Variants in CYTH3 observed in about 807,000 individuals in gnomAD.
CYTH3 encodes the protein cytohesin 3, also known as cytohesin-3.
In CYTH3, 23 loss-of-function variants were observed where a neutral mutation model predicts 55.1. The observed-to-expected ratio is 0.42, with a 90% CI of 0.30 to 0.59. The LOEUF (loss-of-function observed/expected upper bound fraction) is 0.59. Ranked by LOEUF, CYTH3 falls within the 20% of genes least tolerant of loss-of-function variation. The pLI, the probability that CYTH3 is intolerant of heterozygous loss-of-function variation, is 0.20. For synonymous variants in CYTH3, 249 were observed against 194.9 expected (o/e 1.28, Z -2.31); for missense variants, 413 against 524.8 (o/e 0.79, Z 2.08).
intron 1 of CYTH3, among the ~76,000 whole-genome samples, chr7:6,222,212 G>C (rs1784567764): frequency 6.6e-6 from 1 of 152,324 alleles, no homozygotes; most frequent in Admixed American, 6.5e-5. Flanking sequence ...AAAGCAGCCA[G>C]ACTTCCAAAG....
chr7:6,166,165 G>C (rs1782998696), intron 9 of CYTH3, among the ~76,000 whole-genome samples: 1 of 152,218 alleles, frequency 6.6e-6, no homozygotes, highest in Admixed American at 6.5e-5. Context: ...CACCATGTCA[G>C]GTGGTTATCG....
rs1483383974 is a variant in CYTH3 at position 6,169,381 on chromosome 7, AG to A, written c.823+1153del. Among the ~76,000 whole-genome samples the A allele has an allele frequency of 6.6e-6, 1 of 152,008 alleles. No homozygotes were observed. Among genetic ancestry groups the A allele is most frequent in the Non-Finnish European group, 1.5e-5 (1 of 67,982 alleles). On this transcript the variant is annotated intron_variant, in intron 9 of 12. Transcript: ENST00000350796. The surrounding 1 kb of genome is among the most constrained non-coding windows in gnomAD (Gnocchi z 4.1). Reference sequence around the variant, plus strand: ...GACTACAGGCACACACCATCACGCCAGGCTAATTTTTTGTAAAGATGGGGTT... The same window carrying A: ...GACTACAGGCACACACCATCACGCCAGCTAATTTTTTGTAAAGATGGGGTT...
At chr7:6,255,362 C>A (rs779048466) in intron 1 of CYTH3, among the ~76,000 whole-genome samples, 2 of 152,118 alleles carry the variant, frequency 1.3e-5, no homozygotes, top group Non-Finnish European at 2.9e-5. Flanking sequence ...AGGGGAATTA[C>A]CCGAAATATC....
chr7:6,254,053 G>A (rs1179366361), intron 1 of CYTH3, among the ~76,000 whole-genome samples: 1 of 151,668 alleles, frequency 6.6e-6, no homozygotes, highest in South Asian at 2.1e-4. Flanking sequence ...GCAGTGGCAG[G>A]CACCTATAAT....
intron 1 of CYTH3, among the ~76,000 whole-genome samples, chr7:6,208,716 ATTT>A (rs1371180050): frequency 6.6e-6 from 1 of 151,788 alleles, no homozygotes; most frequent in Non-Finnish European, 1.5e-5. Context: ...ACTATTTTTT[ATTT>A]TTGTAGAGAT....
intron 1 of CYTH3, among the ~76,000 whole-genome samples, chr7:6,233,111 C>T (rs1422833938): frequency 6.6e-6 from 1 of 152,150 alleles, no homozygotes; most frequent in African/African-American, 2.4e-5. Flanking sequence ...AGTTGTCTAC[C>T]TTCCTCATTC....
intron 1 of CYTH3, among the ~76,000 whole-genome samples, chr7:6,266,777 C>T (rs55699257): frequency 0.018 from 2,723 of 152,298 alleles, 64 homozygotes; most frequent in African/African-American, 0.045. Context: ...TCCTTTAACA[C>T]ATCTAGCATA....
chr7:6,222,102 G>A (rs193098561), intron 1 of CYTH3, among the ~76,000 whole-genome samples: 1 of 152,230 alleles, frequency 6.6e-6, no homozygotes, highest in Non-Finnish European at 1.5e-5. Context: ...CCAGGGAAAA[G>A]CAGCAGGACA....
chr7:6,271,591 G>GTT (rs1455167859), intron 1 of CYTH3, among the ~76,000 whole-genome samples: 1 of 152,028 alleles, frequency 6.6e-6, no homozygotes, highest in Admixed American at 6.6e-5. Flanking sequence ...ACAGAGGCAC[G>GTT]TTCCTCTGTT....
intron 1 of CYTH3, among the ~76,000 whole-genome samples, chr7:6,201,301 G>C (rs1265165110): frequency 6.6e-6 from 1 of 152,222 alleles, no homozygotes; most frequent in African/African-American, 2.4e-5. Context: ...CAGCTAGCCA[G>C]GATGCTGCAC....
chr7:6,187,823 C>T (rs1158858356), intron 2 of CYTH3, 102 bp from the exon 3 acceptor site: 5 of 924,352 alleles, frequency 5.4e-6, no homozygotes, highest in Non-Finnish European at 9.0e-6. Context: ...CCTGCGGTCT[C>T]ACCGGAGCAT....
At chr7:6,213,361 G>C (rs1385913395) in intron 1 of CYTH3, among the ~76,000 whole-genome samples, 4 of 152,198 alleles carry the variant, frequency 2.6e-5, no homozygotes, top group Non-Finnish European at 5.9e-5. Flanking sequence ...GTATAGAAAA[G>C]AGTTTGGGGA....
chr7:6,216,090 G>A (rs2128550357), intron 1 of CYTH3, among the ~76,000 whole-genome samples: 1 of 152,334 alleles, frequency 6.6e-6, no homozygotes. Context: ...AAGTCATCTT[G>A]AAATATTAGA....
intron 1 of CYTH3, among the ~76,000 whole-genome samples, chr7:6,235,065 A>C (rs1259690312): frequency 6.6e-6 from 1 of 152,138 alleles, no homozygotes; most frequent in African/African-American, 2.4e-5. Flanking sequence ...ACTCCCCAAG[A>C]GCATCATGCT....
chr7:6,225,324 T>C (rs755064407), intron 1 of CYTH3, among the ~76,000 whole-genome samples: 1 of 152,058 alleles, frequency 6.6e-6, no homozygotes, highest in Admixed American at 6.5e-5. Flanking sequence ...ACTGTTAAGA[T>C]AGAGCCTACA....
At chr7:6,189,632 AC>A (rs897223914) in intron 2 of CYTH3, among the ~76,000 whole-genome samples, 7 of 151,762 alleles carry the variant, frequency 4.6e-5, no homozygotes, top group African/African-American at 1.7e-4. Context: ...TACTCCTACC[AC>A]CTGGTAGGCA....
intron 1 of CYTH3, among the ~76,000 whole-genome samples, chr7:6,192,199 G>GT (rs1427865692): frequency 6.6e-6 from 1 of 152,142 alleles, no homozygotes; most frequent in East Asian, 1.9e-4. Flanking sequence ...TTCAAAATAT[G>GT]TAACTCCTAC....
At chr7:6,217,111 C>A (rs903391110) in intron 1 of CYTH3, among the ~76,000 whole-genome samples, 3 of 152,148 alleles carry the variant, frequency 2.0e-5, no homozygotes, top group African/African-American at 7.2e-5. Context: ...CAGGGTTTCA[C>A]CATGTTGGCC....
intron 6 of CYTH3, chr7:6,172,818 GA>G: frequency 7.8e-7 from 1 of 1,282,518 alleles, no homozygotes; most frequent in South Asian, 1.2e-5. Flanking sequence ...TATATGTTGC[GA>G]ACTCTCAGCG....
Sources: gnomAD v4.1 joint callset for allele counts (sites outside exome capture counted in the v4.1 genomes callset) on GRCh38, gnomAD v4.1.1 for gene constraint, Gnocchi (gnomAD v3.1) non-coding constraint, MANE v1.5 for transcripts, NCBI Gene and HGNC (gene_info 2026-07-23, HGNC 2026-07-21) for gene names.